Variants in ARL15 observed in about 807,000 individuals in gnomAD.
ARL15 encodes the protein ADP-ribosylation factor-like protein 15.
A neutral mutation model predicts 25.2 loss-of-function variants in ARL15; 19 were observed. That is an observed-to-expected ratio of 0.75 (90% CI 0.53 to 1.10). The LOEUF is 1.10. ARL15 is among the 50% of genes least tolerant of loss of function. ARL15 has a pLI of 0.00. For synonymous variants in ARL15, 94 were observed against 86.8 expected, an observed-to-expected ratio of 1.08 and a Z score of -0.46; for missense variants, 220 against 246.0, an observed-to-expected ratio of 0.89 and a Z score of 0.71.
At chr5:54,215,613 C>T (rs1294418092) in intron 1 of ARL15, among the ~76,000 whole-genome samples, 5 of 91,002 alleles carry the variant, frequency 5.5e-5, no homozygotes, top group Non-Finnish European at 1.2e-4. Flanking sequence ...AAGCTAAGTG[C>T]GCGAAGGGGG....
At chr5:54,008,880 A>G (rs1358371890) in intron 4 of ARL15, among the ~76,000 whole-genome samples, 2 of 152,218 alleles carry the variant, frequency 1.3e-5, no homozygotes, top group African/African-American at 2.4e-5. Flanking sequence ...CATCTCTGTT[A>G]TCTATTCTGG....
At chr5:53,916,271 G>C (rs1209795146) in intron 4 of ARL15, among the ~76,000 whole-genome samples, 1 of 136,282 alleles carries the variant, frequency 7.3e-6, no homozygotes, top group East Asian at 2.0e-4. Context: ...CTGTGTCCAG[G>C]TGAAGAGTCA....
At chr5:54,232,300 G>T (rs1371345919) in intron 1 of ARL15, among the ~76,000 whole-genome samples, 2 of 152,112 alleles carry the variant, frequency 1.3e-5, no homozygotes, top group African/African-American at 4.8e-5. Flanking sequence ...TCTGTTCACG[G>T]CTGCAACCCT....
At chr5:54,089,364 A>G (rs1233236536) in intron 4 of ARL15, among the ~76,000 whole-genome samples, 1 of 152,226 alleles carries the variant, frequency 6.6e-6, no homozygotes, top group African/African-American at 2.4e-5. Context: ...GGGTGATTTA[A>G]TATTAGATAA....
rs186197235 is a variant in ARL15, at chr5:53,924,587, C to T, written c.463-37874G>A. On this transcript the variant is annotated intron_variant, in intron 4 of 4. Coordinates refer to ENST00000504924, the MANE Select transcript of ARL15 (RefSeq NM_019087.3). ...GGAGGGTTGAGGGCATGAACCTAGA[C>T]GCCTAACATTTAGTCCAATTCTCTT... Among the ~76,000 whole-genome samples, 18 of 152,258 alleles carry T rather than the reference C, an allele frequency of 1.2e-4. No individual in the cohort carries two copies. The East Asian group carries it at 2.7e-3, about 23-fold the overall frequency.
intron 4 of ARL15, among the ~76,000 whole-genome samples, chr5:54,054,606 C>T (rs1218926383): frequency 2.0e-5 from 3 of 152,028 alleles, no homozygotes; most frequent in African/African-American, 7.2e-5. Context: ...CTGGCTAACA[C>T]GGTGAAACCC....
intron 4 of ARL15, among the ~76,000 whole-genome samples, chr5:53,993,702 C>A (rs145314068): frequency 6.6e-6 from 1 of 152,280 alleles, no homozygotes; most frequent in Admixed American, 6.5e-5. Flanking sequence ...AAGCCTCCCA[C>A]ACAATTCTAG....
At chr5:54,190,473 G>C (rs554957381) in intron 1 of ARL15, among the ~76,000 whole-genome samples, 44 of 152,136 alleles carry the variant, frequency 2.9e-4, no homozygotes, top group African/African-American at 1.0e-3. Context: ...AACAAAATAC[G>C]TAATTTACAA....
chr5:54,022,696 C>T (rs1467749015), intron 4 of ARL15, among the ~76,000 whole-genome samples: 1 of 152,210 alleles, frequency 6.6e-6, no homozygotes, highest in East Asian at 1.9e-4. Flanking sequence ...ATTTAAGCTT[C>T]CACCATCAGG....
chr5:54,299,560 G>C (rs1758558851), intron 1 of ARL15, among the ~76,000 whole-genome samples: 1 of 137,140 alleles, frequency 7.3e-6, no homozygotes. Flanking sequence ...TATACAGTAT[G>C]TAACAATAAA....
chr5:54,097,031 A>T (rs1167434727), intron 4 of ARL15, among the ~76,000 whole-genome samples: 2 of 152,208 alleles, frequency 1.3e-5, no homozygotes, highest in East Asian at 1.9e-4. Context: ...CATATATTTT[A>T]TAGCTCTAAG....
intron 4 of ARL15, among the ~76,000 whole-genome samples, chr5:53,972,577 C>A (rs1333945810): frequency 2.6e-5 from 4 of 151,590 alleles, no homozygotes; most frequent in East Asian, 1.9e-4. Context: ...TTTTTTTGTA[C>A]GTCAAAAACA....
At chr5:53,918,156 A>G (rs1398766709) in intron 4 of ARL15, among the ~76,000 whole-genome samples, 1 of 152,202 alleles carries the variant, frequency 6.6e-6, no homozygotes, top group East Asian at 1.9e-4. Context: ...AGGAAAATAT[A>G]GAAAACCAAT....
At chr5:54,107,644 AAG>A (rs1752629869) in intron 4 of ARL15, among the ~76,000 whole-genome samples, 1 of 152,146 alleles carries the variant, frequency 6.6e-6, no homozygotes, top group Non-Finnish European at 1.5e-5. Flanking sequence ...GAGAATAAAA[AAG>A]AGTACGAATT....
intron 2 of ARL15, among the ~76,000 whole-genome samples, chr5:54,160,827 CAT>C (rs1754381849): frequency 1.3e-5 from 2 of 152,280 alleles, no homozygotes; most frequent in South Asian, 4.1e-4. Flanking sequence ...ACATCCTTCT[CAT>C]ATGTTTTCAT....
intron 4 of ARL15, among the ~76,000 whole-genome samples, chr5:54,025,560 C>G (rs770906455): frequency 3.3e-5 from 5 of 152,262 alleles, no homozygotes; most frequent in Non-Finnish European, 7.4e-5. Context: ...GTGTTTCTTT[C>G]TGAATAAAAG....
At chr5:54,250,586 G>A (rs187995984) in intron 1 of ARL15, among the ~76,000 whole-genome samples, 230 of 152,292 alleles carry the variant, frequency 1.5e-3, no homozygotes, top group African/African-American at 5.4e-3. Context: ...GCTAAGAGAC[G>A]AAGGTCTGTG....
chr5:54,294,679 G>C (rs984777105), intron 1 of ARL15, among the ~76,000 whole-genome samples: 1 of 152,192 alleles, frequency 6.6e-6, no homozygotes, highest in Non-Finnish European at 1.5e-5. Flanking sequence ...TTTATTTCAG[G>C]CACATAAACA....
chr5:54,251,081 A>G (rs1029193294), intron 1 of ARL15, among the ~76,000 whole-genome samples: 13 of 152,226 alleles, frequency 8.5e-5, no homozygotes, highest in African/African-American at 2.7e-4. Context: ...AAGCTGAAGG[A>G]AACACAACAC....
Sources: gnomAD v4.1 joint callset for allele counts (sites outside exome capture counted in the v4.1 genomes callset) on GRCh38, gnomAD v4.1.1 for gene constraint, MANE v1.5 for transcripts, NCBI Gene and HGNC (gene_info 2026-07-23, HGNC 2026-07-21) for gene names.